Variants in TMEM240 observed in about 807,000 individuals in gnomAD.
The protein encoded by TMEM240 is transmembrane protein 240.
Under a neutral mutation model 19.5 loss-of-function variants are expected in TMEM240, and 3 were observed. The observed-to-expected ratio is 0.15, with a 90% CI of 0.07 to 0.40. The LOEUF (loss-of-function observed/expected upper bound fraction) is 0.40, where lower values mean the gene tolerates loss of function less well. Among genes scored for constraint, TMEM240 ranks in the 10% least tolerant of loss-of-function variants. The pLI is 1.00. For missense variants in TMEM240, 210 were observed against 253.5 expected, an observed-to-expected ratio of 0.83 and a Z score of 1.17; for synonymous variants, 123 against 109.3, an observed-to-expected ratio of 1.13 and a Z score of -0.78.
chr1:1,540,164 GGAGGGGA>G, intron 1 of TMEM240, 119 bp downstream of exon 1: 1 of 370,622 alleles, frequency 2.7e-6, no homozygotes. Context: ...CGCAGGCCGG[GGAGGGGA>G]GCGCAGGCCG....
At chr1:1,537,036 T>C (rs551272963) in intron 2 of TMEM240, among the ~76,000 whole-genome samples, 39 of 151,278 alleles carry the variant, frequency 2.6e-4, no homozygotes, top group Non-Finnish European at 5.3e-4. Flanking sequence ...AGCCTGTCCG[T>C]CCAACCCAGG....
In TMEM240 at chr1:1,535,236, A is replaced by C; in HGVS notation, c.*123T>G. 1 of 1,114,052 alleles carries C rather than the reference A, an allele frequency of 9.0e-7. No individual in the cohort carries two copies. The highest frequency in any genetic ancestry group is 1.2e-6 in the Non-Finnish European group (1 of 815,446). The allele number at this position is 1,114,052 out of a possible 1,614,324, so 69.0% of individuals were successfully genotyped here. ...CCACTGGACTCTCCCGGCCGGCCAC[A>C]GCCCCGGACAACCTGGGCCCAGGGC... On this transcript the variant is annotated 3_prime_UTR_variant, in exon 4 of 4. Coordinates refer to ENST00000378733, the MANE Select transcript of TMEM240 (RefSeq NM_001114748.2). This position sits in a 1 kb window ranked among gnomAD's most constrained non-coding sequence, Gnocchi z 8.2.
Position 1,540,475 on chromosome 1 carries a change from T to G in TMEM240, c.-129A>C. On this transcript the variant is annotated 5_prime_UTR_variant, in exon 1 of 4. Transcript: ENST00000378733. ...CCCTGGATCGTCCGCCGCCGCTCGCTGCAACCCCGGCACCGGCCGGGGGGA... is the reference window on the plus strand; with the variant it reads ...CCCTGGATCGTCCGCCGCCGCTCGCGGCAACCCCGGCACCGGCCGGGGGGA... 1.2e-5 allele frequency: 2 copies of G among 170,178 alleles called. No homozygotes were observed. The highest frequency in any genetic ancestry group is 2.5e-4 in the East Asian group (1 of 3,976). The allele number at this position is 170,178 out of a possible 1,614,324, so 10.5% of individuals were successfully genotyped here.
chr1:1,539,829 C>T, intron 1 of TMEM240, 39 bp from the exon 2 acceptor site: 1 of 1,077,118 alleles, frequency 9.3e-7, no homozygotes, highest in Non-Finnish European at 1.3e-6. Context: ...AAGGAGCGGG[C>T]GGGACGAAGC....
rs771199907 is a variant in TMEM240, at chr1:1,536,928, G to A, written c.165-1131C>T. Among the ~76,000 whole-genome samples, 7 of 151,914 alleles carry A rather than the reference G, an allele frequency of 4.6e-5. No individual in the cohort carries two copies. Among genetic ancestry groups the A allele is most frequent in the African/African-American group, 9.7e-5 (4 of 41,346 alleles). ...CCTGCTTCTCCCCCACCTTCCCCTCGGTGACGTAGCAGCGCCTCAGCCTGG... is the reference window on the plus strand; with the variant it reads ...CCTGCTTCTCCCCCACCTTCCCCTCAGTGACGTAGCAGCGCCTCAGCCTGG... On this transcript the variant is annotated intron_variant, in intron 2 of 3. Transcript: ENST00000378733. The surrounding 1 kb of genome is among the most constrained non-coding windows in gnomAD (Gnocchi z 5.4).
At chr1:1,537,872 C>T (rs191764353) in intron 2 of TMEM240, among the ~76,000 whole-genome samples, 314 of 152,330 alleles carry the variant, frequency 2.1e-3, no homozygotes, top group African/African-American at 7.0e-3. Flanking sequence ...CGTGCATGGA[C>T]GGATGTCTAG....
In TMEM240 at chr1:1,536,758, G is replaced by A. The variant is rs1642229880; in HGVS notation, c.165-961C>T. On this transcript the variant is annotated intron_variant, in intron 2 of 3. Coordinates refer to ENST00000378733, the MANE Select transcript of TMEM240 (RefSeq NM_001114748.2). The surrounding 1 kb of genome is among the most constrained non-coding windows in gnomAD (Gnocchi z 5.4). ...CCTAGTCCAACAGGAGGGCCTGGGA[G>A]TGGAGCCCGCGGGCCCCACGCGCCT... 6.6e-6 allele frequency among the ~76,000 whole-genome samples: 1 copy of A among 152,156 alleles called. No homozygotes were observed. Among genetic ancestry groups the A allele is most frequent in the Non-Finnish European group, 1.5e-5 (1 of 68,008 alleles).
rs1011150128 is a variant in TMEM240 at position 1,536,590 on chromosome 1, C to T, written c.165-793G>A. Among the ~76,000 whole-genome samples the T allele has an allele frequency of 1.3e-5, 2 of 152,170 alleles. No homozygotes were observed. The highest frequency in any genetic ancestry group is 4.8e-5 in the African/African-American group (2 of 41,428). ...TTGGGGGAACTGCCCAGGCTCAGGC[C>T]ACAACAGCCTCTGGCCTCTTGCTGC... is the stretch of plus-strand genomic sequence containing the variant. On this transcript the variant is annotated intron_variant, in intron 2 of 3. Coordinates refer to ENST00000378733, the MANE Select transcript of TMEM240 (RefSeq NM_001114748.2). This position sits in a 1 kb window ranked among gnomAD's most constrained non-coding sequence, Gnocchi z 5.4.
rs1642195598 is a variant in TMEM240, at chr1:1,535,329, C to T, written c.*30G>A. On this transcript the variant is annotated 3_prime_UTR_variant, in exon 4 of 4. Coordinates refer to ENST00000378733, the MANE Select transcript of TMEM240 (RefSeq NM_001114748.2). The surrounding 1 kb of genome is among the most constrained non-coding windows in gnomAD (Gnocchi z 8.2). ...TTACATCTGTACAGCAGCCGGTTGG[C>T]TCGGTGGCCCCGGTAAGTCCCCGTG... The T allele has an allele frequency of 6.5e-7, 1 of 1,546,372 alleles. No individual in the cohort carries two copies. Among genetic ancestry groups the T allele is most frequent in the Non-Finnish European group, 8.7e-7 (1 of 1,145,004 alleles).
Position 1,535,924 on chromosome 1 carries a change from T to TG in TMEM240, c.165-128_165-127insC. ...CCTGGGGGTTCTCTGAAGCAGCCTC[T>TG]TGGGCGGGCGGGTCGGGAAGGGGGC... On this transcript the variant is annotated intron_variant, in intron 2 of 3. Transcript: ENST00000378733. The surrounding 1 kb of genome is among the most constrained non-coding windows in gnomAD (Gnocchi z 8.2). The TG allele has an allele frequency of 1.5e-5, 8 of 532,364 alleles. No homozygotes were observed. The highest frequency in any genetic ancestry group is 4.2e-5 in the East Asian group (1 of 24,030). 33.0% of individuals were successfully genotyped at this position (532,364 alleles called of 1,614,324 possible). A position where few individuals can be genotyped will look rare whatever the true frequency, so the allele number is the denominator to read the frequency against.
At chr1:1,539,256 G>A (rs910505073) in intron 2 of TMEM240, 4 of 176,358 alleles carry the variant, frequency 2.3e-5, no homozygotes, top group African/African-American at 9.6e-5. Flanking sequence ...CAGCCCGGGG[G>A]TGGTGCCCAG....
In TMEM240 at chr1:1,535,923, C is replaced by T; in HGVS notation, c.165-126G>A. On this transcript the variant is annotated intron_variant, in intron 2 of 3. Coordinates refer to ENST00000378733, the MANE Select transcript of TMEM240 (RefSeq NM_001114748.2). This position sits in a 1 kb window ranked among gnomAD's most constrained non-coding sequence, Gnocchi z 8.2. ...CCCTGGGGGTTCTCTGAAGCAGCCT[C>T]TTGGGCGGGCGGGTCGGGAAGGGGG... The T allele has an allele frequency of 6.9e-5, 28 of 404,190 alleles. No individual in the cohort carries two copies. The highest frequency in any genetic ancestry group is 1.4e-4 in the East Asian group (2 of 14,138). The allele number at this position is 404,190 out of a possible 1,614,324, so 25.0% of individuals were successfully genotyped here. A position where few individuals can be genotyped will look rare whatever the true frequency, so the allele number is the denominator to read the frequency against.
In TMEM240 at chr1:1,539,641, T is replaced by C. The variant is rs969769081; in HGVS notation, c.164+43A>G. 48 of 1,507,988 alleles carry C rather than the reference T, an allele frequency of 3.2e-5. No homozygotes were observed. The Admixed American group carries it at 9.0e-4, about 28-fold the overall frequency. The allele number at this position is 1,507,988 out of a possible 1,614,324, so 93.4% of individuals were successfully genotyped here. A position where few individuals can be genotyped will look rare whatever the true frequency, so the allele number is the denominator to read the frequency against. On this transcript the variant is annotated intron_variant, in intron 2 of 3. Coordinates refer to ENST00000378733, the MANE Select transcript of TMEM240 (RefSeq NM_001114748.2). Reference sequence around the variant, plus strand: ...CGCCCCGAGTGGGCCCCGCCACACATGTGCGCTCACGCGTGTCGAGCCGGC... The same window carrying C: ...CGCCCCGAGTGGGCCCCGCCACACACGTGCGCTCACGCGTGTCGAGCCGGC...
Position 1,535,908 on chromosome 1 carries a change from TCTCTGAAGCAGCCTCTTGGGCGGGC to T in TMEM240, c.165-136_165-112del. The T allele has an allele frequency of 1.9e-6, 1 of 533,550 alleles. No individual in the cohort carries two copies. The highest frequency in any genetic ancestry group is 2.5e-5 in the Admixed American group (1 of 40,244). The allele number at this position is 533,550 out of a possible 1,614,324, so 33.1% of individuals were successfully genotyped here. Reference sequence around the variant, plus strand: ...GACCGCGTCAGGCCGCCCTGGGGGTTCTCTGAAGCAGCCTCTTGGGCGGGCGGGTCGGGAAGGGGGCACCAGACTC... The same window carrying T: ...GACCGCGTCAGGCCGCCCTGGGGGTTGGGTCGGGAAGGGGGCACCAGACTC... On this transcript the variant is annotated intron_variant, in intron 2 of 3. Coordinates refer to ENST00000378733, the MANE Select transcript of TMEM240 (RefSeq NM_001114748.2). This position sits in a 1 kb window ranked among gnomAD's most constrained non-coding sequence, Gnocchi z 8.2.
chr1:1,535,761 G>C lies in TMEM240; in HGVS notation c.201C>G (p.Asp67Glu). Residue 67 changes from aspartate to glutamate, a missense_variant, in exon 3 of 4, where the codon GAC becomes GAG. By Grantham distance (45) the Asp-to-Glu change is conservative. This residue lies in a region of TMEM240 where 157 missense variants were observed against 168.2 expected (regional missense o/e 0.93). Coordinates refer to ENST00000378733, the MANE Select transcript of TMEM240 (RefSeq NM_001114748.2). The surrounding 1 kb of genome is among the most constrained non-coding windows in gnomAD (Gnocchi z 8.2). ...TCTCGGAGGCGTCCACCACCGACTG[G>C]TCCCCGTCGTACGGGATCACGTAGT... is the stretch of plus-strand genomic sequence containing the variant. ...HIHYVIPYDG[D>E]QSVVDASENY... 6.5e-7 allele frequency: 1 copy of C among 1,550,204 alleles called. No individual in the cohort carries two copies. Among genetic ancestry groups the C allele is most frequent in the Non-Finnish European group, 8.7e-7 (1 of 1,146,642 alleles).
chr1:1,535,849 T>C lies in TMEM240; in HGVS notation c.165-52A>G. ...CTCTCCCGCCACCCCCGGCCTGGCCTTCCCCCGGGGCGCCTACCCCGTGGT... is the reference window on the plus strand; with the variant it reads ...CTCTCCCGCCACCCCCGGCCTGGCCCTCCCCCGGGGCGCCTACCCCGTGGT... On this transcript the variant is annotated intron_variant, in intron 2 of 3. Coordinates refer to ENST00000378733, the MANE Select transcript of TMEM240 (RefSeq NM_001114748.2). This position sits in a 1 kb window ranked among gnomAD's most constrained non-coding sequence, Gnocchi z 8.2. 1 of 1,491,866 alleles carries C rather than the reference T, an allele frequency of 6.7e-7. No individual in the cohort carries two copies. The highest frequency in any genetic ancestry group is 1.4e-5 in the African/African-American group (1 of 71,664). 92.4% of individuals were successfully genotyped at this position (1,491,866 alleles called of 1,614,324 possible). A position where few individuals can be genotyped will look rare whatever the true frequency, so the allele number is the denominator to read the frequency against.
rs943317070 is a variant in TMEM240 at position 1,535,286 on chromosome 1, G to T, written c.*73C>A. On this transcript the variant is annotated 3_prime_UTR_variant, in exon 4 of 4. Transcript: ENST00000378733. This position sits in a 1 kb window ranked among gnomAD's most constrained non-coding sequence, Gnocchi z 8.2. The stretch of plus-strand genomic sequence containing the variant: ...CTGCTGTCCAGTCCCGCCGGCCCGG[G>T]CGTCCACGAGGTCCCTTTTACATCT... 6.7e-6 allele frequency: 10 copies of T among 1,494,178 alleles called. No homozygotes were observed. The East Asian group carries it at 7.7e-5, about 11-fold the overall frequency. 92.6% of individuals were successfully genotyped at this position (1,494,178 alleles called of 1,614,324 possible). A position where few individuals can be genotyped will look rare whatever the true frequency, so the allele number is the denominator to read the frequency against.
In TMEM240 at chr1:1,535,192, AAAG is replaced by A. The variant is rs1198025073; in HGVS notation, c.*164_*166del. 5.4e-6 allele frequency: 4 copies of A among 735,814 alleles called. No individual in the cohort carries two copies. The highest frequency in any genetic ancestry group is 6.5e-6 in the Non-Finnish European group (3 of 464,250). 45.6% of individuals were successfully genotyped at this position (735,814 alleles called of 1,614,324 possible). Reference sequence around the variant, plus strand: ...GCCCACACCCCAACCCCCTTTATAAAAAGAAGAGACAGCACCTTCCACTGGACT... The same window carrying A: ...GCCCACACCCCAACCCCCTTTATAAAAAGAGACAGCACCTTCCACTGGACT... On this transcript the variant is annotated 3_prime_UTR_variant, in exon 4 of 4. Transcript: ENST00000378733. This position sits in a 1 kb window ranked among gnomAD's most constrained non-coding sequence, Gnocchi z 8.2.
chr1:1,539,659 G>A lies in TMEM240; in HGVS notation c.164+25C>T. 3 of 1,541,072 alleles carry A rather than the reference G, an allele frequency of 1.9e-6. No individual in the cohort carries two copies. In the African/African-American group the frequency reaches 4.1e-5, roughly 21 times the overall value. On this transcript the variant is annotated intron_variant, in intron 2 of 3. Transcript: ENST00000378733. The stretch of plus-strand genomic sequence containing the variant: ...CCACACATGTGCGCTCACGCGTGTC[G>A]AGCCGGCGCCGGTTGTGGACTCACC...
Sources: gnomAD v4.1 joint callset for allele counts (sites outside exome capture counted in the v4.1 genomes callset) on GRCh38, gnomAD v4.1.1 for gene constraint, gnomAD v4.1.1 regional missense constraint, Gnocchi (gnomAD v3.1) non-coding constraint, MANE v1.5 for transcripts, NCBI Gene and HGNC (gene_info 2026-07-23, HGNC 2026-07-21) for gene names.